AGAP1: variants seen among roughly 807,000 people sequenced by gnomAD.
AGAP1 encodes arf-GAP with GTPase, ANK repeat and PH domain-containing protein 1.
Under a neutral mutation model 105.3 loss-of-function variants are expected in AGAP1, and 29 were observed. That is an observed-to-expected ratio of 0.28 (90% CI 0.21 to 0.38). The LOEUF is 0.38. Among genes scored for constraint, AGAP1 ranks in the 10% least tolerant of loss-of-function variants. The pLI is 1.00. For missense variants in AGAP1, 998 were observed against 1,165.1 expected (o/e 0.86, Z 2.09); for synonymous variants, 509 against 485.9 (o/e 1.05, Z -0.63).
At chr2:235,786,019 G>C (rs1418302537) in intron 6 of AGAP1, among the ~76,000 whole-genome samples, 1 of 152,176 alleles carries the variant, frequency 6.6e-6, no homozygotes, top group Non-Finnish European at 1.5e-5. Context: ...TCACCTTCAG[G>C]GGATGGCAGA....
chr2:235,770,083 C>T (rs1263543971), intron 6 of AGAP1, among the ~76,000 whole-genome samples: 1 of 151,748 alleles, frequency 6.6e-6, no homozygotes, highest in Non-Finnish European at 1.5e-5. Context: ...AATCCCACCT[C>T]CTAGTAATAA....
intron 13 of AGAP1, among the ~76,000 whole-genome samples, chr2:235,990,571 A>G (rs1400340454): frequency 6.6e-6 from 1 of 152,186 alleles, no homozygotes; most frequent in African/African-American, 2.4e-5. Context: ...TCCTTCCAAC[A>G]TGGTGGCTGG....
chr2:235,939,602 C>T (rs1390459557), intron 12 of AGAP1, among the ~76,000 whole-genome samples: 1 of 147,290 alleles, frequency 6.8e-6, no homozygotes, highest in African/African-American at 2.5e-5. Context: ...CACCCACATT[C>T]TCTTCAACCC....
At chr2:235,910,273 G>T (rs2051533209) in intron 11 of AGAP1, among the ~76,000 whole-genome samples, 2 of 152,296 alleles carry the variant, frequency 1.3e-5, no homozygotes, top group South Asian at 2.1e-4. Context: ...CTCTTGCCTG[G>T]CCTGCCTGTG....
rs113739109 is a variant in AGAP1 at position 235,777,087 on chromosome 2, G to C, written c.674-20672G>C. 119,200 of 470,498 alleles carry C rather than the reference G, an allele frequency of 0.25. 17,382 individuals carry two copies. Among genetic ancestry groups the C allele is most frequent in the Admixed American group, 0.46 (19,507 of 42,560 alleles). The allele number at this position is 470,498 out of a possible 1,614,324, so 29.1% of individuals were successfully genotyped here. On this transcript the variant is annotated intron_variant, in intron 6 of 17. Coordinates refer to ENST00000304032, the MANE Select transcript of AGAP1 (RefSeq NM_001037131.3). The surrounding 1 kb of genome is among the most constrained non-coding windows in gnomAD (Gnocchi z 5.1). ...ATTAGACAGAAGTGATGCTGGGCGCGGTGGCTCATGCCTGTAATTCCAGCA... is the reference window on the plus strand; with the variant it reads ...ATTAGACAGAAGTGATGCTGGGCGCCGTGGCTCATGCCTGTAATTCCAGCA...
At chr2:236,031,214 TAAG>T (rs941332051) in intron 13 of AGAP1, among the ~76,000 whole-genome samples, 5 of 151,966 alleles carry the variant, frequency 3.3e-5, no homozygotes, top group African/African-American at 9.7e-5. Flanking sequence ...AAGGAACCCC[TAAG>T]AAGGAGGGAG....
chr2:236,014,811 G>A lies in AGAP1; in HGVS notation c.1646-21750G>A, dbSNP rs575221037. 45 of 452,208 alleles carry A rather than the reference G, an allele frequency of 1.0e-4. No homozygotes were observed. In the East Asian group the frequency reaches 3.2e-3, roughly 32 times the overall value. The allele number at this position is 452,208 out of a possible 1,614,324, so 28.0% of individuals were successfully genotyped here. A position where few individuals can be genotyped will look rare whatever the true frequency, so the allele number is the denominator to read the frequency against. On this transcript the variant is annotated intron_variant, in intron 13 of 17. Coordinates refer to ENST00000304032, the MANE Select transcript of AGAP1 (RefSeq NM_001037131.3). This position sits in a 1 kb window ranked among gnomAD's most constrained non-coding sequence, Gnocchi z 6.3. ...TTCTGCTCTCGGGATGCAGCCAAAC[G>A]CAAAGCATGGAAACTAAACCGTGTT...
At chr2:235,579,169 C>T (rs1944841090) in intron 1 of AGAP1, among the ~76,000 whole-genome samples, 1 of 152,148 alleles carries the variant, frequency 6.6e-6, no homozygotes, top group Admixed American at 6.5e-5. Flanking sequence ...TAAGGGCGCA[C>T]TGTGTCAGCC....
rs1453557049 is a variant in AGAP1, at chr2:235,931,552, C to T, written c.1483+629C>T. The stretch of plus-strand genomic sequence containing the variant: ...GTGAATGACGCAGCACCGAGGGCAC[C>T]CTGGTGGCTGCAGCAGGGTTTGCCT... On this transcript the variant is annotated intron_variant, in intron 12 of 17. Transcript: ENST00000304032. This position sits in a 1 kb window ranked among gnomAD's most constrained non-coding sequence, Gnocchi z 5.6. 3.3e-5 allele frequency among the ~76,000 whole-genome samples: 5 copies of T among 152,096 alleles called. No homozygotes were observed. The highest frequency in any genetic ancestry group is 3.4e-3 in the Middle Eastern group (1 of 294).
At chr2:235,955,506 C>T (rs2053910303) in intron 12 of AGAP1, among the ~76,000 whole-genome samples, 1 of 152,160 alleles carries the variant, frequency 6.6e-6, no homozygotes, top group Admixed American at 6.5e-5. Flanking sequence ...ACTGAAAACA[C>T]ACAGAAGTAC....
At position 236,005,973 on chromosome 2, in the gene AGAP1, G is replaced by A. The variant is rs1025792397; in HGVS notation, c.1646-30588G>A. Among the ~76,000 whole-genome samples the A allele has an allele frequency of 2.6e-5, 4 of 152,160 alleles. No individual in the cohort carries two copies. The highest frequency in any genetic ancestry group is 3.2e-3 in the Middle Eastern group (1 of 316). On this transcript the variant is annotated intron_variant, in intron 13 of 17. Transcript: ENST00000304032. This position sits in a 1 kb window ranked among gnomAD's most constrained non-coding sequence, Gnocchi z 4.1. ...AAGTCACTGTGCACTTAAGGAGTTG[G>A]GCGTTAGACCCCCTGTCCTTGAGGG...
intron 9 of AGAP1, among the ~76,000 whole-genome samples, chr2:235,810,350 C>G (rs892383311): frequency 1.5e-4 from 23 of 152,250 alleles, no homozygotes; most frequent in African/African-American, 2.6e-4. Flanking sequence ...GTGAAAGACT[C>G]GGGTCTGCAT....
At position 235,904,526 on chromosome 2, in the gene AGAP1, C is replaced by T. The variant is rs1039239406; in HGVS notation, c.1156-4212C>T. ...AGTACTTGGCTTTGAATTACCCTCA[C>T]GCCTTGTTAAAGGGTTTTTCCTCTT... On this transcript the variant is annotated intron_variant, in intron 10 of 17. Transcript: ENST00000304032. This position sits in a 1 kb window ranked among gnomAD's most constrained non-coding sequence, Gnocchi z 4.2. Among the ~76,000 whole-genome samples, 18 of 152,168 alleles carry T rather than the reference C, an allele frequency of 1.2e-4. No homozygotes were observed. The highest frequency in any genetic ancestry group is 4.1e-4 in the African/African-American group (17 of 41,452).
chr2:235,788,715 C>T lies in AGAP1; in HGVS notation c.674-9044C>T, dbSNP rs756239659. On this transcript the variant is annotated intron_variant, in intron 6 of 17. Coordinates refer to ENST00000304032, the MANE Select transcript of AGAP1 (RefSeq NM_001037131.3). The surrounding 1 kb of genome is among the most constrained non-coding windows in gnomAD (Gnocchi z 6.0). ...CCCCCGAGGGTTCTCCAGACAGGAT[C>T]ATTTGGAGCCCCTTCTTTCCCAAAT... is the stretch of plus-strand genomic sequence containing the variant. 1.3e-5 allele frequency among the ~76,000 whole-genome samples: 2 copies of T among 152,102 alleles called. No homozygotes were observed. Among genetic ancestry groups the T allele is most frequent in the African/African-American group, 2.4e-5 (1 of 41,408 alleles).
Position 235,905,330 on chromosome 2 carries a change from A to G in AGAP1, c.1156-3408A>G, listed in dbSNP as rs1487078409. 6.6e-6 allele frequency among the ~76,000 whole-genome samples: 1 copy of G among 152,222 alleles called. No homozygotes were observed. Among genetic ancestry groups the G allele is most frequent in the Non-Finnish European group, 1.5e-5 (1 of 68,044 alleles). On this transcript the variant is annotated intron_variant, in intron 10 of 17. Coordinates refer to ENST00000304032, the MANE Select transcript of AGAP1 (RefSeq NM_001037131.3). The surrounding 1 kb of genome is among the most constrained non-coding windows in gnomAD (Gnocchi z 4.2). The stretch of plus-strand genomic sequence containing the variant: ...GCAAGTTGATATTTTTAAAGGAGTA[A>G]CTGTGCAAGAAGGAATTCATTATTT...
rs541849203 is a variant in AGAP1, at chr2:235,801,068, G to A, written c.957+1546G>A. Reference sequence around the variant, plus strand: ...TCTCTCATTGGATGCTCATGACTGCGGAGGCGGTTGCCAGCTGCACACACC... The same window carrying A: ...TCTCTCATTGGATGCTCATGACTGCAGAGGCGGTTGCCAGCTGCACACACC... On this transcript the variant is annotated intron_variant, in intron 8 of 17. Coordinates refer to ENST00000304032, the MANE Select transcript of AGAP1 (RefSeq NM_001037131.3). The surrounding 1 kb of genome is among the most constrained non-coding windows in gnomAD (Gnocchi z 6.0). Among the ~76,000 whole-genome samples the A allele has an allele frequency of 6.6e-6, 1 of 152,096 alleles. No homozygotes were observed. The highest frequency in any genetic ancestry group is 2.1e-4 in the South Asian group (1 of 4,818).
chr2:235,898,472 TCCCCCCCCCACCCCCA>T, intron 10 of AGAP1, among the ~76,000 whole-genome samples: 1 of 121,414 alleles, frequency 8.2e-6, no homozygotes, highest in South Asian at 3.0e-4. Flanking sequence ...GAGGACAGGT[TCCCCCCCCCACCCCCA>T]CCCCCGCCTG....
In AGAP1 at chr2:235,608,818, CA is replaced by C. The variant is rs1465751803; in HGVS notation, c.164-100360del. 2.6e-5 allele frequency among the ~76,000 whole-genome samples: 4 copies of C among 152,092 alleles called. No homozygotes were observed. The highest frequency in any genetic ancestry group is 9.7e-5 in the African/African-American group (4 of 41,416). On this transcript the variant is annotated intron_variant, in intron 1 of 17. Transcript: ENST00000304032. This position sits in a 1 kb window ranked among gnomAD's most constrained non-coding sequence, Gnocchi z 5.4. ...TCAGTCTGTCAGAGGCCTGGGAGATCAGGGGACAAGGGTGAAATTCGAATAG... is the reference window on the plus strand; with the variant it reads ...TCAGTCTGTCAGAGGCCTGGGAGATCGGGGACAAGGGTGAAATTCGAATAG...
rs1283287109 is a variant in AGAP1, at chr2:236,020,654, G to A, written c.1646-15907G>A. Among the ~76,000 whole-genome samples, 1 of 152,214 alleles carries A rather than the reference G, an allele frequency of 6.6e-6. No homozygotes were observed. Among genetic ancestry groups the A allele is most frequent in the Non-Finnish European group, 1.5e-5 (1 of 68,036 alleles). On this transcript the variant is annotated intron_variant, in intron 13 of 17. Coordinates refer to ENST00000304032, the MANE Select transcript of AGAP1 (RefSeq NM_001037131.3). This position sits in a 1 kb window ranked among gnomAD's most constrained non-coding sequence, Gnocchi z 5.0. ...AGGGTAATTGAAGAAGAAATGAAGT[G>A]AAGCCTGTGAAGTGCTTCCCACAGA...
Sources: gnomAD v4.1 joint callset for allele counts (sites outside exome capture counted in the v4.1 genomes callset) on GRCh38, gnomAD v4.1.1 for gene constraint, Gnocchi (gnomAD v3.1) non-coding constraint, MANE v1.5 for transcripts, NCBI Gene and HGNC (gene_info 2026-07-23, HGNC 2026-07-21) for gene names.